GPR63: variants seen among roughly 807,000 people sequenced by gnomAD.
GPR63 encodes G protein-coupled receptor 63, also known as probable G protein-coupled receptor 63.
GPR63 carries 12 observed loss-of-function variants against 23.1 expected under a neutral mutation model. That is an observed-to-expected ratio of 0.52 (90% CI 0.33 to 0.84). The LOEUF is 0.84. GPR63 is among the 40% of genes least tolerant of loss of function. The pLI, the probability that GPR63 is intolerant of heterozygous loss-of-function variation, is 0.02. For synonymous variants in GPR63, 172 were observed against 191.1 expected (o/e 0.90, Z 0.82); for missense variants, 472 against 515.6 (o/e 0.92, Z 0.82).
At chr6:96,810,224 GGT>G (rs1423284365) in intron 1 of GPR63, among the ~76,000 whole-genome samples, 1 of 152,092 alleles carries the variant, frequency 6.6e-6, no homozygotes, top group East Asian at 1.9e-4. Context: ...ACTGGGGCGC[GGT>G]GGCTCACACC....
At chr6:96,829,381 A>G (rs934188774) in intron 1 of GPR63, among the ~76,000 whole-genome samples, 7 of 152,194 alleles carry the variant, frequency 4.6e-5, no homozygotes, top group Non-Finnish European at 1.0e-4. Context: ...TCATTAACTC[A>G]TGGATCAAAC....
At chr6:96,836,545 CTT>C (rs751955397) in intron 1 of GPR63, among the ~76,000 whole-genome samples, 7 of 152,062 alleles carry the variant, frequency 4.6e-5, no homozygotes, top group South Asian at 2.1e-4. Context: ...TAAACGATCT[CTT>C]TGAAAATTTG....
At chr6:96,834,392 T>C (rs574730069) in intron 1 of GPR63, among the ~76,000 whole-genome samples, 4 of 152,304 alleles carry the variant, frequency 2.6e-5, no homozygotes, top group African/African-American at 9.6e-5. Context: ...ATTGAAACTA[T>C]AACTGACCAG....
intron 1 of GPR63, among the ~76,000 whole-genome samples, chr6:96,830,114 A>C (rs1774542520): frequency 6.6e-6 from 1 of 152,162 alleles, no homozygotes; most frequent in Non-Finnish European, 1.5e-5. Context: ...CCACACAAAG[A>C]GGGTTGATAA....
At chr6:96,835,722 T>C (rs548553089) in intron 1 of GPR63, among the ~76,000 whole-genome samples, 12 of 152,320 alleles carry the variant, frequency 7.9e-5, no homozygotes, top group African/African-American at 2.6e-4. Flanking sequence ...GTTTCGGTAC[T>C]GGTATACTTT....
chr6:96,802,990 T>G (rs1191421492), intron 1 of GPR63, among the ~76,000 whole-genome samples: 1 of 152,074 alleles, frequency 6.6e-6, no homozygotes, highest in Non-Finnish European at 1.5e-5. Flanking sequence ...GGAACCCCAC[T>G]CCACACCTAG....
intron 1 of GPR63, among the ~76,000 whole-genome samples, chr6:96,831,628 C>T (rs1330933819): frequency 2.0e-5 from 3 of 152,062 alleles, no homozygotes; most frequent in Non-Finnish European, 4.4e-5. Context: ...GAGCTATAGC[C>T]AGGCACGGTG....
At chr6:96,831,573 T>A (rs1774580999) in intron 1 of GPR63, among the ~76,000 whole-genome samples, 1 of 152,172 alleles carries the variant, frequency 6.6e-6, no homozygotes, top group Non-Finnish European at 1.5e-5. Flanking sequence ...ATTCTATGTC[T>A]AGGGTTTTAC....
chr6:96,818,142 C>T (rs1297455224), intron 1 of GPR63, among the ~76,000 whole-genome samples: 1 of 151,666 alleles, frequency 6.6e-6, no homozygotes, highest in African/African-American at 2.4e-5. Context: ...TCCCTTATAG[C>T]CAGAGTAATC....
intron 1 of GPR63, among the ~76,000 whole-genome samples, chr6:96,814,883 T>C (rs1482074887): frequency 6.6e-6 from 1 of 152,208 alleles, no homozygotes; most frequent in Non-Finnish European, 1.5e-5. Context: ...AGTTATATCA[T>C]ACTTTCACAA....
chr6:96,824,707 A>G (rs1204355127), intron 1 of GPR63, among the ~76,000 whole-genome samples: 3 of 151,830 alleles, frequency 2.0e-5, no homozygotes, highest in Non-Finnish European at 4.4e-5. Flanking sequence ...ACAATTTATC[A>G]TCATGCACCA....
intron 1 of GPR63, among the ~76,000 whole-genome samples, chr6:96,800,200 A>G (rs572559609): frequency 6.6e-6 from 1 of 152,318 alleles, no homozygotes; most frequent in African/African-American, 2.4e-5. Flanking sequence ...TTTTAATTAA[A>G]TGTTAATTTT....
rs1216214081 is a variant in GPR63, at chr6:96,798,196, A to C, written c.*276T>G. On this transcript the variant is annotated 3_prime_UTR_variant, in exon 2 of 2. Coordinates refer to ENST00000229955, the MANE Select transcript of GPR63 (RefSeq NM_030784.4). ...AAGCACAATCCTGATTCCCACTATG[A>C]AAACAAAATCAATCAAGGAAAAACC... 1 of 347,616 alleles carries C rather than the reference A, an allele frequency of 2.9e-6. No individual in the cohort carries two copies. Among genetic ancestry groups the C allele is most frequent in the Non-Finnish European group, 5.2e-6 (1 of 192,622 alleles). The allele number at this position is 347,616 out of a possible 1,614,324, so 21.5% of individuals were successfully genotyped here. A position where few individuals can be genotyped will look rare whatever the true frequency, so the allele number is the denominator to read the frequency against.
Position 96,837,366 on chromosome 6 carries a change from C to G in GPR63, c.-249G>C, listed in dbSNP as rs1415937809. Reference sequence around the variant, plus strand: ...ACTTTCCTGACATAGCACTTCTCTCCTCCGCTGCAGAGAACAACGCTGCCA... The same window carrying G: ...ACTTTCCTGACATAGCACTTCTCTCGTCCGCTGCAGAGAACAACGCTGCCA... On this transcript the variant is annotated 5_prime_UTR_variant, in exon 1 of 2. Coordinates refer to ENST00000229955, the MANE Select transcript of GPR63 (RefSeq NM_030784.4). 1 of 152,690 alleles carries G rather than the reference C, an allele frequency of 6.5e-6. No individual in the cohort carries two copies. The highest frequency in any genetic ancestry group is 1.5e-5 in the Non-Finnish European group (1 of 68,192). 9.5% of individuals were successfully genotyped at this position (152,690 alleles called of 1,614,324 possible).
At position 96,798,957 on chromosome 6, in the gene GPR63, G is replaced by A. The variant is rs369288975; in HGVS notation, c.775C>T (p.Leu259=). Residue 259 remains leucine (L), a synonymous_variant, in exon 2 of 2, where the codon CTG becomes TTG. Transcript: ENST00000229955. ...ISFFIPFLVI[L]YSFMGILNTL... ...TTGAGTATGCCCATAAATGAGTACAGTATTACCAGGAAGGGTATGAAGAAA... is the reference window on the plus strand; with the variant it reads ...TTGAGTATGCCCATAAATGAGTACAATATTACCAGGAAGGGTATGAAGAAA... 6.2e-7 allele frequency: 1 copy of A among 1,613,994 alleles called. No homozygotes were observed. Among genetic ancestry groups the A allele is most frequent in the Non-Finnish European group, 8.5e-7 (1 of 1,180,032 alleles).
chr6:96,798,420 T>C lies in GPR63; in HGVS notation c.*52A>G. The C allele has an allele frequency of 6.4e-7, 1 of 1,565,998 alleles. No individual in the cohort carries two copies. Among genetic ancestry groups the C allele is most frequent in the East Asian group, 2.3e-5 (1 of 44,438 alleles). On this transcript the variant is annotated 3_prime_UTR_variant, in exon 2 of 2. Transcript: ENST00000229955. Reference sequence around the variant, plus strand: ...GTGGAGAGGCTATGAGAAAGAGAATTCAATGTCAATAAAGAACAAGCATCA... The same window carrying C: ...GTGGAGAGGCTATGAGAAAGAGAATCCAATGTCAATAAAGAACAAGCATCA...
At chr6:96,825,684 A>G (rs1225181851) in intron 1 of GPR63, among the ~76,000 whole-genome samples, 1 of 152,152 alleles carries the variant, frequency 6.6e-6, no homozygotes, top group Non-Finnish European at 1.5e-5. Context: ...ATGTAAAAAG[A>G]GCACAGAAAA....
At chr6:96,810,505 A>C (rs1774014032) in intron 1 of GPR63, among the ~76,000 whole-genome samples, 1 of 152,096 alleles carries the variant, frequency 6.6e-6, no homozygotes, top group African/African-American at 2.4e-5. Context: ...AGGAAAAAAA[A>C]AAAAAAAAGA....
intron 1 of GPR63, among the ~76,000 whole-genome samples, chr6:96,827,532 C>A (rs1774475098): frequency 6.6e-6 from 1 of 151,876 alleles, no homozygotes; most frequent in African/African-American, 2.4e-5. Flanking sequence ...CTATCTAATG[C>A]CAAATAAGAG....
Sources: gnomAD v4.1 joint callset for allele counts (sites outside exome capture counted in the v4.1 genomes callset) on GRCh38, gnomAD v4.1.1 for gene constraint, MANE v1.5 for transcripts, NCBI Gene and HGNC (gene_info 2026-07-23, HGNC 2026-07-21) for gene names.